TMEM117: variants seen among roughly 807,000 people sequenced by gnomAD.
The protein encoded by TMEM117 is transmembrane protein 117.
In TMEM117, 27 loss-of-function variants were observed where a neutral mutation model predicts 52.4. The ratio of observed to expected loss-of-function variants is 0.51; its 90% CI spans 0.38 to 0.71. The LOEUF (loss-of-function observed/expected upper bound fraction) is 0.71, where lower values mean the gene tolerates loss of function less well. Among genes scored for constraint, TMEM117 ranks in the 30% least tolerant of loss-of-function variants. The probability of loss-of-function intolerance (pLI) is 0.00; values close to 1 mark genes in which losing one functional copy is unlikely to be tolerated. For missense variants in TMEM117, 556 were observed against 630.5 expected, an observed-to-expected ratio of 0.88 and a Z score of 1.26; for synonymous variants, 215 against 206.3, an observed-to-expected ratio of 1.04 and a Z score of -0.36.
chr12:43,987,265 G>T (rs936079334), intron 3 of TMEM117, among the ~76,000 whole-genome samples: 6 of 152,156 alleles, frequency 3.9e-5, no homozygotes, highest in African/African-American at 1.4e-4. Flanking sequence ...CCAACACCTT[G>T]ATCTCAGACT....
chr12:44,143,688 C>A, intron 4 of TMEM117, 64 bp downstream of exon 4: 1 of 1,183,040 alleles, frequency 8.5e-7, no homozygotes, highest in Non-Finnish European at 1.2e-6. Flanking sequence ...CAGTGTTGGA[C>A]AGACACTGCT....
At chr12:44,347,189 T>A (rs1342876633) in intron 6 of TMEM117, among the ~76,000 whole-genome samples, 1 of 152,080 alleles carries the variant, frequency 6.6e-6, no homozygotes, top group Non-Finnish European at 1.5e-5. Flanking sequence ...CCATGGTGAA[T>A]AGTTTTCTAG....
chr12:44,068,731 T>C (rs1245646786), intron 3 of TMEM117, among the ~76,000 whole-genome samples: 1 of 152,166 alleles, frequency 6.6e-6, no homozygotes, highest in Non-Finnish European at 1.5e-5. Flanking sequence ...TTTAAAATAT[T>C]GTGACAGTTA....
At chr12:43,880,682 T>G (rs1271398084) in intron 2 of TMEM117, among the ~76,000 whole-genome samples, 1 of 152,168 alleles carries the variant, frequency 6.6e-6, no homozygotes, top group Non-Finnish European at 1.5e-5. Flanking sequence ...GCCAGAGTGG[T>G]GTGACCTCTT....
chr12:44,238,384 A>T (rs1448284627), intron 5 of TMEM117, among the ~76,000 whole-genome samples: 1 of 152,162 alleles, frequency 6.6e-6, no homozygotes, highest in East Asian at 1.9e-4. Flanking sequence ...GGGAAAATAG[A>T]AGGAAGGAGG....
intron 3 of TMEM117, among the ~76,000 whole-genome samples, chr12:43,981,060 G>A (rs182888871): frequency 1.3e-5 from 2 of 152,200 alleles, no homozygotes; most frequent in East Asian, 3.9e-4. Context: ...GCTGCCTTCA[G>A]CTCATTCTTC....
intron 2 of TMEM117, among the ~76,000 whole-genome samples, chr12:43,928,466 GT>G (rs1286191647): frequency 6.6e-6 from 1 of 150,962 alleles, no homozygotes; most frequent in Non-Finnish European, 1.5e-5. Context: ...TTTGCTTTTT[GT>G]TTTTTTCATT....
rs11182379 is a variant in TMEM117, at chr12:44,010,616, T to G, written c.410+66274T>G. Among the ~76,000 whole-genome samples, 219 of 152,356 alleles carry G rather than the reference T, an allele frequency of 1.4e-3. 3 individuals are homozygous for G. The East Asian group carries it at 0.025, about 17-fold the overall frequency. On this transcript the variant is annotated intron_variant, in intron 3 of 7. Coordinates refer to ENST00000266534, the MANE Select transcript of TMEM117 (RefSeq NM_032256.3). Reference sequence around the variant, plus strand: ...CTGCCTTTTGTGGTTTAAATTATTTTATATGATTTTATATTCTCTCCTTAG... The same window carrying G: ...CTGCCTTTTGTGGTTTAAATTATTTGATATGATTTTATATTCTCTCCTTAG...
chr12:44,306,060 G>C (rs1434689510), intron 6 of TMEM117, among the ~76,000 whole-genome samples: 1 of 152,134 alleles, frequency 6.6e-6, no homozygotes, highest in African/African-American at 2.4e-5. Flanking sequence ...ATTTATAAAT[G>C]AGAGCTAAAC....
rs11182309 is a variant in TMEM117, at chr12:43,860,031, C to A, written c.277+15103C>A. ...TGTTAATGTCATTGAGTTTCTTCTT[C>A]TTATTATTATACTTTAAGTTCTGGG... On this transcript the variant is annotated intron_variant, in intron 2 of 7. Coordinates refer to ENST00000266534, the MANE Select transcript of TMEM117 (RefSeq NM_032256.3). 1.7e-3 allele frequency among the ~76,000 whole-genome samples: 263 copies of A among 152,214 alleles called. 3 individuals carry two copies. The East Asian group carries it at 0.026, about 15-fold the overall frequency.
chr12:44,186,287 C>A (rs1322017857), intron 4 of TMEM117, among the ~76,000 whole-genome samples: 2 of 152,146 alleles, frequency 1.3e-5, no homozygotes, highest in Non-Finnish European at 2.9e-5. Context: ...TCCAAGGAAT[C>A]TTATGCCTCA....
In TMEM117 at chr12:44,386,832, A is replaced by C. The variant is rs1489510468; in HGVS notation, c.899-1194A>C. 3.9e-5 allele frequency among the ~76,000 whole-genome samples: 6 copies of C among 152,146 alleles called. No homozygotes were observed. The East Asian group carries it at 1.2e-3, about 29-fold the overall frequency. On this transcript the variant is annotated intron_variant, in intron 7 of 7. Transcript: ENST00000266534. Reference sequence around the variant, plus strand: ...TAATAGGAGCTTTAATAAAATATGTAATTATGATGATAAAATATTTTCCTA... The same window carrying C: ...TAATAGGAGCTTTAATAAAATATGTCATTATGATGATAAAATATTTTCCTA...
intron 3 of TMEM117, among the ~76,000 whole-genome samples, chr12:44,065,806 G>A (rs1947213385): frequency 6.6e-6 from 1 of 152,206 alleles, no homozygotes; most frequent in Admixed American, 6.5e-5. Flanking sequence ...TCAGCAAAGT[G>A]GGGTAGAGGG....
intron 5 of TMEM117, among the ~76,000 whole-genome samples, chr12:44,286,061 C>G (rs899989760): frequency 6.6e-6 from 1 of 152,130 alleles, no homozygotes; most frequent in Non-Finnish European, 1.5e-5. Context: ...TCACTTTAAA[C>G]CTTTCTATTT....
chr12:44,209,701 G>A (rs755720115), intron 4 of TMEM117, among the ~76,000 whole-genome samples: 4 of 152,090 alleles, frequency 2.6e-5, no homozygotes, highest in African/African-American at 4.8e-5. Context: ...ACTAACTTTG[G>A]TTTTCATCAA....
chr12:43,827,793 A>T, the TMEM117 span, among the ~76,000 whole-genome samples: 1 of 152,212 alleles, frequency 6.6e-6, no homozygotes, highest in African/African-American at 2.4e-5. Context: ...ATTTGGAAAT[A>T]GAGTCTTTGC....
intron 3 of TMEM117, among the ~76,000 whole-genome samples, chr12:44,088,183 T>C (rs933769995): frequency 2.6e-5 from 4 of 152,208 alleles, no homozygotes; most frequent in African/African-American, 9.6e-5. Context: ...CAAAGGGTCT[T>C]GGTGTCTCCA....
At chr12:44,150,088 C>T (rs1231822387) in intron 4 of TMEM117, among the ~76,000 whole-genome samples, 1 of 152,158 alleles carries the variant, frequency 6.6e-6, no homozygotes, top group Non-Finnish European at 1.5e-5. Context: ...TGACCTCAAC[C>T]TACCCCTGAT....
chr12:44,339,186 A>G (rs1951383090), intron 6 of TMEM117, among the ~76,000 whole-genome samples: 1 of 152,176 alleles, frequency 6.6e-6, no homozygotes, highest in African/African-American at 2.4e-5. Flanking sequence ...AATCAATAGA[A>G]CAGAAGCACA....
Sources: gnomAD v4.1 joint callset for allele counts (sites outside exome capture counted in the v4.1 genomes callset) on GRCh38, gnomAD v4.1.1 for gene constraint, MANE v1.5 for transcripts, NCBI Gene and HGNC (gene_info 2026-07-23, HGNC 2026-07-21) for gene names.